The following TFCP2L1 variants were observed in gnomAD, a reference collection of about 807,000 sequenced individuals.
TFCP2L1 encodes transcription factor CP2-like protein 1.
TFCP2L1 carries 12 observed loss-of-function variants against 72.2 expected under a neutral mutation model. That is an observed-to-expected ratio of 0.17 (90% CI 0.11 to 0.27). The LOEUF is 0.27. Among genes scored for constraint, TFCP2L1 ranks in the 10% least tolerant of loss-of-function variants. TFCP2L1 has a pLI of 1.00. For missense variants in TFCP2L1, 488 were observed against 624.6 expected (o/e 0.78, Z 2.33); for synonymous variants, 260 against 251.0 (o/e 1.04, Z -0.34).
At position 121,224,283 on chromosome 2, in the gene TFCP2L1, A is replaced by G; in HGVS notation, c.*58T>C. Reference sequence around the variant, plus strand: ...CACAGCTTACAGTGGGGCAATGTCTACATCCACGGGGATCCACAGGGCTGG... The same window carrying G: ...CACAGCTTACAGTGGGGCAATGTCTGCATCCACGGGGATCCACAGGGCTGG... On this transcript the variant is annotated 3_prime_UTR_variant, in exon 15 of 15. Transcript: ENST00000263707. 1 of 1,601,150 alleles carries G rather than the reference A, an allele frequency of 6.2e-7. No homozygotes were observed. The highest frequency in any genetic ancestry group is 8.5e-7 in the Non-Finnish European group (1 of 1,170,454).
In TFCP2L1 at chr2:121,249,567, T is replaced by C. The variant is rs752887267; in HGVS notation, c.291+4A>G. 5.0e-6 allele frequency: 8 copies of C among 1,614,074 alleles called. No individual in the cohort carries two copies. The South Asian group carries it at 6.6e-5, about 13-fold the overall frequency. ...AGGCAATGAGAACAGCCTGTGAGGCTTACCTTGACATATTTTGTGTTCAGA... is the reference window on the plus strand; with the variant it reads ...AGGCAATGAGAACAGCCTGTGAGGCCTACCTTGACATATTTTGTGTTCAGA... On this transcript the variant is annotated splice_donor_region_variant and intron_variant, in intron 3 of 14. Transcript: ENST00000263707.
chr2:121,231,554 A>C (rs1686143524), intron 13 of TFCP2L1, among the ~76,000 whole-genome samples: 1 of 152,140 alleles, frequency 6.6e-6, no homozygotes, highest in East Asian at 1.9e-4. Flanking sequence ...GACTATAAGC[A>C]CCTTGGGCCA....
chr2:121,233,924 C>T (rs1203345901), intron 12 of TFCP2L1, among the ~76,000 whole-genome samples, 167 bp downstream of exon 12: 1 of 152,258 alleles, frequency 6.6e-6, no homozygotes, highest in Non-Finnish European at 1.5e-5. Flanking sequence ...TCAGACCATG[C>T]ACCATGCAAG....
At chr2:121,251,352 T>C (rs1312931173) in intron 2 of TFCP2L1, among the ~76,000 whole-genome samples, 2 of 152,194 alleles carry the variant, frequency 1.3e-5, no homozygotes, top group African/African-American at 4.8e-5. Flanking sequence ...TTATCAAAAC[T>C]ACAGACCTTA....
chr2:121,240,323 A>T, intron 7 of TFCP2L1: 2 of 985,426 alleles, frequency 2.0e-6, no homozygotes, highest in South Asian at 9.4e-5. Flanking sequence ...AAAGGAAGCA[A>T]GGGTTTACAG....
At chr2:121,254,217 C>T (rs551428183) in intron 2 of TFCP2L1, among the ~76,000 whole-genome samples, 1 of 152,228 alleles carries the variant, frequency 6.6e-6, no homozygotes, top group Non-Finnish European at 1.5e-5. Flanking sequence ...TAGTGCTGTT[C>T]TCTGTTAGAA....
chr2:121,229,856 AC>A (rs1429716421), intron 13 of TFCP2L1, among the ~76,000 whole-genome samples: 1 of 152,046 alleles, frequency 6.6e-6, no homozygotes, highest in Non-Finnish European at 1.5e-5. Context: ...CCAATTCCAA[AC>A]CCTGCATTTT....
At chr2:121,252,347 A>G (rs531834555) in intron 2 of TFCP2L1, among the ~76,000 whole-genome samples, 2 of 152,314 alleles carry the variant, frequency 1.3e-5, no homozygotes, top group African/African-American at 4.8e-5. Context: ...ACGCCCAGAC[A>G]AGAGCTATTA....
At chr2:121,241,918 GTGTCTACAC>G (rs1194024123) in intron 7 of TFCP2L1, among the ~76,000 whole-genome samples, 2 of 152,032 alleles carry the variant, frequency 1.3e-5, no homozygotes, top group African/African-American at 4.8e-5. Flanking sequence ...TGGGGCAAAC[GTGTCTACAC>G]TGGCTTCACC....
At chr2:121,242,083 CAAAAAAAAAAAAAAA>C (rs541937558) in intron 7 of TFCP2L1, among the ~76,000 whole-genome samples, 2 of 65,486 alleles carry the variant, frequency 3.1e-5, no homozygotes, top group African/African-American at 5.2e-5. Flanking sequence ...ATTACCTACT[CAAAAAAAAAAAAAAA>C]AAAAAAAAAA....
At chr2:121,275,042 C>T (rs898452546) in intron 2 of TFCP2L1, among the ~76,000 whole-genome samples, 4 of 151,836 alleles carry the variant, frequency 2.6e-5, no homozygotes, top group African/African-American at 7.3e-5. Flanking sequence ...ATATTTTTTC[C>T]AGCAGTTATG....
chr2:121,235,087 C>T, intron 11 of TFCP2L1, 134 bp downstream of exon 11: 1 of 865,970 alleles, frequency 1.2e-6, no homozygotes, highest in South Asian at 1.6e-5. Flanking sequence ...TCCTCCTACA[C>T]TTGACCCCAC....
At position 121,248,238 on chromosome 2, in the gene TFCP2L1, T is replaced by C; in HGVS notation, c.430A>G (p.Arg144Gly). The C allele has an allele frequency of 6.2e-7, 1 of 1,614,056 alleles. No individual in the cohort carries two copies. The highest frequency in any genetic ancestry group is 8.5e-7 in the Non-Finnish European group (1 of 1,179,988). ...IPLSVGILDP[R>G]ASPTQLNAVE... Reference sequence around the variant, plus strand: ...GCATTCAGCTGGGTCGGGCTGGCCCTGGGGTCCAAGATACCAACAGACAGT... The same window carrying C: ...GCATTCAGCTGGGTCGGGCTGGCCCCGGGGTCCAAGATACCAACAGACAGT... The change falls in exon 5 of 15, where the codon AGG becomes GGG. Residue 144 changes from arginine (R) to glycine (G), a missense_variant. By Grantham distance (125) the Arg-to-Gly change is moderately radical. Transcript: ENST00000263707.
intron 11 of TFCP2L1, 103 bp downstream of exon 11, chr2:121,235,118 C>G (rs914895378): frequency 3.1e-6 from 4 of 1,284,670 alleles, no homozygotes; most frequent in Admixed American, 1.9e-5. Flanking sequence ...TCCTGTCCCC[C>G]CAGCCAGACC....
intron 2 of TFCP2L1, among the ~76,000 whole-genome samples, chr2:121,266,707 G>A (rs1416517066): frequency 1.3e-5 from 2 of 152,120 alleles, no homozygotes; most frequent in African/African-American, 4.8e-5. Flanking sequence ...CACATCCCCA[G>A]TGAAAGGGTG....
At chr2:121,257,220 A>G (rs1341492802) in intron 2 of TFCP2L1, among the ~76,000 whole-genome samples, 1 of 152,098 alleles carries the variant, frequency 6.6e-6, no homozygotes, top group South Asian at 2.1e-4. Flanking sequence ...AGGCACAGTG[A>G]CAGGCTCCAC....
chr2:121,254,353 G>A (rs534959259), intron 2 of TFCP2L1, among the ~76,000 whole-genome samples: 5 of 152,300 alleles, frequency 3.3e-5, no homozygotes, highest in South Asian at 4.1e-4. Context: ...AGACAAAGGA[G>A]GCCCAAAAGT....
chr2:121,234,151 C>T lies in TFCP2L1; in HGVS notation c.1138G>A (p.Glu380Lys). 6.2e-7 allele frequency: 1 copy of T among 1,614,176 alleles called. No homozygotes were observed. Among genetic ancestry groups the T allele is most frequent in the Non-Finnish European group, 8.5e-7 (1 of 1,180,028 alleles). Reference protein sequence around the residue: ...KMTIYVCQELEQNRVPLQQKR... With the variant: ...KMTIYVCQELKQNRVPLQQKR... ...TGCTGCAGGGGCACTCGATTCTGCT[C>T]CAGCTCCTGACAGACATAAATGGTC... Residue 380 changes from glutamate (E) to lysine (K), a missense_variant, in exon 12 of 15, where the codon GAG (glutamate) becomes AAG (lysine). By Grantham distance (56) the Glu-to-Lys change is moderately conservative. Around this residue, in one of 3 missense-constraint regions of TFCP2L1, gnomAD observed 286 missense variants for 329.0 expected, o/e 0.87. Coordinates refer to ENST00000263707, the MANE Select transcript of TFCP2L1 (RefSeq NM_014553.3).
At chr2:121,248,904 C>G in intron 4 of TFCP2L1, 78 bp downstream of exon 4, 1 of 1,191,958 alleles carries the variant, frequency 8.4e-7, no homozygotes, top group East Asian at 2.7e-5. Context: ...GGCATAGGTC[C>G]GGGTGGCATC....
Sources: allele counts gnomAD v4.1 joint callset (sites outside exome capture counted in the v4.1 genomes callset), GRCh38; gene constraint gnomAD v4.1.1; regional missense constraint gnomAD v4.1.1; transcripts MANE v1.5; gene names NCBI Gene and HGNC (gene_info 2026-07-23, HGNC 2026-07-21).